The following SCARA5 variants were observed in gnomAD, a reference collection of about 807,000 sequenced individuals.
The protein encoded by SCARA5 is scavenger receptor class A, member 5 (putative).
In SCARA5, 45 loss-of-function variants were observed where a neutral mutation model predicts 46.3. The observed-to-expected ratio is 0.97, with a 90% CI of 0.76 to 1.24. The LOEUF (loss-of-function observed/expected upper bound fraction) is 1.24, where lower values mean the gene tolerates loss of function less well. Among genes scored for constraint, SCARA5 ranks in the 50% most tolerant of loss-of-function variants. SCARA5 has a pLI of 0.00. For synonymous variants in SCARA5, 333 were observed against 306.5 expected (o/e 1.09, Z -0.90); for missense variants, 680 against 689.0 (o/e 0.99, Z 0.15).
Position 27,921,676 on chromosome 8 carries a change from G to A in SCARA5, c.811C>T (p.Leu271=). 6.2e-7 allele frequency: 1 copy of A among 1,609,162 alleles called. No homozygotes were observed. Among genetic ancestry groups the A allele is most frequent in the South Asian group, 1.1e-5 (1 of 90,024 alleles). Residue 271 remains leucine, a synonymous_variant, in exon 4 of 9, where the codon CTG becomes TTG. Transcript: ENST00000354914. ...ATGGCCAGCTCCTGCTTCAGCTGCA[G>A]CTCCATGCCTACGTGCGCCAGGCGC... is the stretch of plus-strand genomic sequence containing the variant. ...RLRLAHVGME[L]QLKQELAMLN... is the part of the protein sequence containing the mutation.
chr8:27,891,736 A>T (rs2129707201), intron 7 of SCARA5, among the ~76,000 whole-genome samples: 1 of 151,758 alleles, frequency 6.6e-6, no homozygotes, highest in South Asian at 2.1e-4. Flanking sequence ...GCTTTTTGTA[A>T]TTTTTCACCT....
chr8:27,934,597 CTGA>C (rs1399574763), intron 3 of SCARA5, among the ~76,000 whole-genome samples: 2 of 152,198 alleles, frequency 1.3e-5, no homozygotes, highest in Non-Finnish European at 2.9e-5. Context: ...CAGATCCTGG[CTGA>C]TGATGATTTC....
chr8:27,970,880 C>CT (rs567842294), intron 2 of SCARA5, among the ~76,000 whole-genome samples: 165 of 151,874 alleles, frequency 1.1e-3, no homozygotes, highest in Middle Eastern at 3.4e-3. Context: ...AAAATTTTGG[C>CT]TTTTTTTTAA....
At chr8:27,976,374 TC>T in intron 2 of SCARA5, among the ~76,000 whole-genome samples, 1 of 152,268 alleles carries the variant, frequency 6.6e-6, no homozygotes, top group African/African-American at 2.4e-5. Flanking sequence ...CAAAAGACCC[TC>T]CCCATACAGA....
chr8:27,948,244 C>T (rs1808067815), intron 3 of SCARA5, among the ~76,000 whole-genome samples: 1 of 152,130 alleles, frequency 6.6e-6, no homozygotes, highest in South Asian at 2.1e-4. Flanking sequence ...TGCAGGCCTC[C>T]TCCCCAGGGT....
At chr8:27,944,996 TC>T (rs1016848729) in intron 3 of SCARA5, among the ~76,000 whole-genome samples, 2 of 151,890 alleles carry the variant, frequency 1.3e-5, no homozygotes, top group Non-Finnish European at 2.9e-5. Context: ...CAAAACCATC[TC>T]TACTAAAAAT....
At chr8:27,962,266 T>C (rs892223530) in intron 3 of SCARA5, among the ~76,000 whole-genome samples, 7 of 152,244 alleles carry the variant, frequency 4.6e-5, no homozygotes, top group Non-Finnish European at 4.4e-5. Flanking sequence ...CTTAAGTTTG[T>C]GTTAATTACC....
At chr8:27,965,480 C>T (rs1165929602) in intron 3 of SCARA5, among the ~76,000 whole-genome samples, 1 of 152,204 alleles carries the variant, frequency 6.6e-6, no homozygotes, top group African/African-American at 2.4e-5. Context: ...GGGCTACACC[C>T]CATCACAGTG....
At chr8:27,919,241 G>GGAGGAGGAT (rs112972442) in intron 4 of SCARA5, among the ~76,000 whole-genome samples, 6 of 140,154 alleles carry the variant, frequency 4.3e-5, no homozygotes, top group Middle Eastern at 7.0e-3. Flanking sequence ...AGGAAGAGAC[G>GGAGGAGGAT]GAGGAGGAAG....
intron 2 of SCARA5, among the ~76,000 whole-genome samples, chr8:27,981,247 A>G (rs1344580224): frequency 2.0e-5 from 3 of 152,138 alleles, no homozygotes; most frequent in East Asian, 3.9e-4. Flanking sequence ...GACACATCAC[A>G]GGGTTTCATA....
At chr8:27,989,684 C>A (rs1808759244) in intron 1 of SCARA5, among the ~76,000 whole-genome samples, 2 of 152,214 alleles carry the variant, frequency 1.3e-5, no homozygotes, top group South Asian at 2.1e-4. Flanking sequence ...GGGGGTGGTC[C>A]TCGGCTCTGC....
chr8:27,986,951 C>A lies in SCARA5; in HGVS notation c.112+553G>T, dbSNP rs183368056. 2.7e-3 allele frequency among the ~76,000 whole-genome samples: 415 copies of A among 152,358 alleles called. 3 individuals carry two copies. The highest frequency in any genetic ancestry group is 9.4e-3 in the African/African-American group (390 of 41,588). ...GCGCTCTGGGCTCCTCCAAAGGAAG[C>A]TGCATCACTTGGATCTCCAGGGTTT... On this transcript the variant is annotated intron_variant, in intron 2 of 8. Transcript: ENST00000354914.
rs191349359 is a variant in SCARA5, at chr8:27,934,834, C to T, written c.242-12589G>A. ...AAAATGGGAGAGATATTCAGTTTAC[C>T]AAAGACTGCATAGGCCCAAGCCAAT... On this transcript the variant is annotated intron_variant, in intron 3 of 8. Coordinates refer to ENST00000354914, the MANE Select transcript of SCARA5 (RefSeq NM_173833.6). Among the ~76,000 whole-genome samples the T allele has an allele frequency of 2.9e-4, 44 of 152,316 alleles. No individual in the cohort carries two copies. The East Asian group carries it at 6.4e-3, about 22-fold the overall frequency.
At position 27,870,067 on chromosome 8, in the gene SCARA5, T is replaced by C. The variant is rs759262008; in HGVS notation, c.*1867A>G. ...TTCACACACTTTTTAACATTGTTTT[T>C]ATTTGATGTAAAACAAGACTTATGT... On this transcript the variant is annotated 3_prime_UTR_variant, in exon 9 of 9. Coordinates refer to ENST00000354914, the MANE Select transcript of SCARA5 (RefSeq NM_173833.6). 3 of 152,346 alleles carry C rather than the reference T, an allele frequency of 2.0e-5. No homozygotes were observed. Among genetic ancestry groups the C allele is most frequent in the Non-Finnish European group, 4.4e-5 (3 of 68,042 alleles). 9.4% of individuals were successfully genotyped at this position (152,346 alleles called of 1,614,324 possible). A position where few individuals can be genotyped will look rare whatever the true frequency, so the allele number is the denominator to read the frequency against.
chr8:27,982,823 G>A (rs1033306878), intron 2 of SCARA5, among the ~76,000 whole-genome samples: 2 of 152,168 alleles, frequency 1.3e-5, no homozygotes, highest in Non-Finnish European at 2.9e-5. Context: ...GCACCCAACA[G>A]TCCCTCCTCT....
At chr8:27,877,287 A>G (rs1279453513) in intron 8 of SCARA5, among the ~76,000 whole-genome samples, 1 of 152,172 alleles carries the variant, frequency 6.6e-6, no homozygotes, top group African/African-American at 2.4e-5. Context: ...CTGTTAGGGC[A>G]CCATGATAGG....
At position 27,949,517 on chromosome 8, in the gene SCARA5, C is replaced by T. The variant is rs560702931; in HGVS notation, c.241+16897G>A. On this transcript the variant is annotated intron_variant, in intron 3 of 8. Transcript: ENST00000354914. ...GGGTGGAGTTGGGTGAGGTTGGCAGCTACCATGTGGGAGCATGGGGGTCTT... is the reference window on the plus strand; with the variant it reads ...GGGTGGAGTTGGGTGAGGTTGGCAGTTACCATGTGGGAGCATGGGGGTCTT... Among the ~76,000 whole-genome samples the T allele has an allele frequency of 8.5e-5, 13 of 152,306 alleles. No individual in the cohort carries two copies. In the South Asian group the frequency reaches 2.7e-3, roughly 32 times the overall value.
At chr8:27,884,096 G>A (rs28402352) in intron 7 of SCARA5, among the ~76,000 whole-genome samples, 13,214 of 152,088 alleles carry the variant, frequency 0.087, 1,110 homozygotes, top group African/African-American at 0.22. Context: ...ACCAGGAAGC[G>A]ACCCCAACCC....
At chr8:27,963,280 C>T (rs1447141449) in intron 3 of SCARA5, among the ~76,000 whole-genome samples, 1 of 152,174 alleles carries the variant, frequency 6.6e-6, no homozygotes, top group Non-Finnish European at 1.5e-5. Context: ...GATTGAGGAC[C>T]CCCTGGCCAC....
Sources: allele counts gnomAD v4.1 joint callset (sites outside exome capture counted in the v4.1 genomes callset), GRCh38; gene constraint gnomAD v4.1.1; transcripts MANE v1.5; gene names NCBI Gene and HGNC (gene_info 2026-07-23, HGNC 2026-07-21).